The following ANO4 variants were observed in gnomAD, a reference collection of about 807,000 sequenced individuals.
ANO4 encodes the protein anoctamin 4.
ANO4 carries 69 observed loss-of-function variants against 141.9 expected under a neutral mutation model. The ratio of observed to expected loss-of-function variants is 0.49; its 90% CI spans 0.40 to 0.59. ANO4 has a LOEUF of 0.59. Ranked by LOEUF, ANO4 falls within the 20% of genes least tolerant of loss-of-function variation. The probability of loss-of-function intolerance (pLI) is 0.00; values close to 1 mark genes in which losing one functional copy is unlikely to be tolerated. For synonymous variants in ANO4, 350 were observed against 394.3 expected, an observed-to-expected ratio of 0.89 and a Z score of 1.33; for missense variants, 894 against 1,162.2, an observed-to-expected ratio of 0.77 and a Z score of 3.36.
chr12:101,074,806 C>T (rs535545647), intron 14 of ANO4, among the ~76,000 whole-genome samples: 2 of 152,302 alleles, frequency 1.3e-5, no homozygotes, highest in South Asian at 4.1e-4. Flanking sequence ...TTCTTATAAG[C>T]ATATGAAAAT....
intron 14 of ANO4, 64 bp from the exon 15 acceptor site, chr12:101,079,129 C>A: frequency 7.3e-7 from 1 of 1,376,578 alleles, no homozygotes. Context: ...TATTCAGTGA[C>A]ACAGTTAAGA....
chr12:100,825,029 G>T (rs908042544), intron 1 of ANO4, among the ~76,000 whole-genome samples: 16 of 151,938 alleles, frequency 1.1e-4, no homozygotes, highest in African/African-American at 3.4e-4. Context: ...TTATAAAATG[G>T]TGTGTTTTCT....
intron 14 of ANO4, among the ~76,000 whole-genome samples, chr12:101,070,269 C>A (rs1309789998): frequency 6.6e-6 from 1 of 152,094 alleles, no homozygotes; most frequent in African/African-American, 2.4e-5. Context: ...TCAAATTATA[C>A]TGTAGATCTA....
Position 101,110,558 on chromosome 12 carries a change from T to C in ANO4, c.2302+2T>C, listed in dbSNP as rs2050623908. 6.4e-7 allele frequency: 1 copy of C among 1,565,986 alleles called. No homozygotes were observed. Among genetic ancestry groups the C allele is most frequent in the Non-Finnish European group, 8.6e-7 (1 of 1,158,992 alleles). On this transcript the variant is annotated splice_donor_variant, in intron 23 of 27. Coordinates refer to ENST00000392977, the MANE Select transcript of ANO4 (RefSeq NM_001286615.2). LOFTEE classifies it high-confidence loss of function. ...TAGCTTCAAGGGCCAAAGACATAGGTAAGTTGGATTTGGGTATGTTTTTAA... is the reference window on the plus strand; with the variant it reads ...TAGCTTCAAGGGCCAAAGACATAGGCAAGTTGGATTTGGGTATGTTTTTAA...
chr12:100,847,975 A>G (rs929958626), intron 1 of ANO4, among the ~76,000 whole-genome samples: 1 of 152,226 alleles, frequency 6.6e-6, no homozygotes, highest in Non-Finnish European at 1.5e-5. Context: ...CTGTATGGCT[A>G]TGAATGCCAA....
chr12:101,044,355 G>A (rs959556563), intron 13 of ANO4, among the ~76,000 whole-genome samples: 1 of 152,206 alleles, frequency 6.6e-6, no homozygotes, highest in African/African-American at 2.4e-5. Flanking sequence ...TCTATTATGT[G>A]TTATTGCATA....
intron 1 of ANO4, among the ~76,000 whole-genome samples, chr12:100,833,440 T>G (rs2036740040): frequency 1.3e-5 from 2 of 152,166 alleles, no homozygotes; most frequent in South Asian, 4.1e-4. Flanking sequence ...AATTCATGTT[T>G]CTAGCCTCAC....
chr12:100,926,482 C>T (rs2041874962), intron 3 of ANO4, among the ~76,000 whole-genome samples: 1 of 152,050 alleles, frequency 6.6e-6, no homozygotes, highest in Admixed American at 6.6e-5. Flanking sequence ...GGTACAAAGT[C>T]TAATTCAGGA....
chr12:100,872,243 T>C (rs1204165005), intron 1 of ANO4, among the ~76,000 whole-genome samples: 1 of 152,170 alleles, frequency 6.6e-6, no homozygotes, highest in Non-Finnish European at 1.5e-5. Context: ...TCCCTTCAGC[T>C]TCCCTTTCCT....
In ANO4 at chr12:100,942,404, G is replaced by C; in HGVS notation, c.325G>C (p.Gly109Arg). The C allele has an allele frequency of 6.2e-7, 1 of 1,613,896 alleles. No homozygotes were observed. The highest frequency in any genetic ancestry group is 8.5e-7 in the Non-Finnish European group (1 of 1,179,946). ...ETVPERNKSN[G>R]LYFRDGKCRI... Reference sequence around the variant, plus strand: ...AGTGCCAGAAAGAAACAAATCAAATGGACTTTACTTTCGAGATGGAAAGTG... The same window carrying C: ...AGTGCCAGAAAGAAACAAATCAAATCGACTTTACTTTCGAGATGGAAAGTG... Residue 109 changes from glycine to arginine, a missense_variant, in exon 5 of 28, where the codon GGA becomes CGA. This residue lies in a region of ANO4 where 257 missense variants were observed against 253.0 expected (regional missense o/e 1.02). Coordinates refer to ENST00000392977, the MANE Select transcript of ANO4 (RefSeq NM_001286615.2).
chr12:101,065,307 T>C (rs1860686895), intron 14 of ANO4, among the ~76,000 whole-genome samples: 2 of 152,142 alleles, frequency 1.3e-5, no homozygotes, highest in Non-Finnish European at 2.9e-5. Flanking sequence ...TGGAATGTAT[T>C]ACCTGTGGAT....
At chr12:100,811,916 C>T (rs2135706935) in intron 1 of ANO4, among the ~76,000 whole-genome samples, 1 of 152,284 alleles carries the variant, frequency 6.6e-6, no homozygotes, top group Admixed American at 6.5e-5. Flanking sequence ...ATAGTTAGCA[C>T]TAACTGGCCC....
intron 1 of ANO4, among the ~76,000 whole-genome samples, chr12:100,853,851 T>A (rs565252642): frequency 8.5e-5 from 13 of 152,276 alleles, no homozygotes; most frequent in African/African-American, 3.1e-4. Context: ...ACATATAATA[T>A]TACAATTGTT....
intron 1 of ANO4, among the ~76,000 whole-genome samples, chr12:100,893,466 T>C (rs570054682): frequency 6.6e-6 from 1 of 152,214 alleles, no homozygotes; most frequent in African/African-American, 2.4e-5. Context: ...TAAGTAAGGC[T>C]TGGTCCAGGT....
intron 22 of ANO4, among the ~76,000 whole-genome samples, chr12:101,100,228 A>T (rs2050139760): frequency 6.6e-6 from 1 of 152,166 alleles, no homozygotes; most frequent in African/African-American, 2.4e-5. Flanking sequence ...AAAGGCAAAT[A>T]AAATATCTTA....
At chr12:100,752,823 C>T (rs1163952152) in intron 3 of ANO4, among the ~76,000 whole-genome samples, 2 of 152,160 alleles carry the variant, frequency 1.3e-5, no homozygotes, top group Non-Finnish European at 2.9e-5. Flanking sequence ...TATCCATTAA[C>T]CATTATTATG....
intron 14 of ANO4, among the ~76,000 whole-genome samples, chr12:101,066,465 G>A (rs2048593036): frequency 6.6e-6 from 1 of 152,188 alleles, no homozygotes; most frequent in Non-Finnish European, 1.5e-5. Flanking sequence ...TATGCCAGCA[G>A]TGAACAATCT....
At chr12:100,841,316 C>T (rs1303966441) in intron 1 of ANO4, among the ~76,000 whole-genome samples, 2 of 152,140 alleles carry the variant, frequency 1.3e-5, no homozygotes, top group Admixed American at 6.5e-5. Flanking sequence ...ATAACTGACC[C>T]AGGTCTCCCT....
chr12:101,095,383 T>C (rs955829471), intron 18 of ANO4, among the ~76,000 whole-genome samples: 1 of 152,186 alleles, frequency 6.6e-6, no homozygotes, highest in East Asian at 1.9e-4. Context: ...GAAATGCCAT[T>C]GGAGGTACAG....
Sources: allele counts gnomAD v4.1 joint callset (sites outside exome capture counted in the v4.1 genomes callset), GRCh38; gene constraint gnomAD v4.1.1; regional missense constraint gnomAD v4.1.1; transcripts MANE v1.5; gene names NCBI Gene and HGNC (gene_info 2026-07-23, HGNC 2026-07-21).